ATP9B: variants seen among roughly 807,000 people sequenced by gnomAD.
The protein encoded by ATP9B is probable phospholipid-transporting ATPase IIB.
Under a neutral mutation model 146.1 loss-of-function variants are expected in ATP9B, and 110 were observed. The observed-to-expected ratio is 0.75, with a 90% CI of 0.65 to 0.88. The LOEUF is 0.88. ATP9B is among the 40% of genes least tolerant of loss of function. ATP9B has a pLI of 0.00. For synonymous variants in ATP9B, 604 were observed against 569.7 expected, an observed-to-expected ratio of 1.06 and a Z score of -0.86; for missense variants, 1,499 against 1,496.4, an observed-to-expected ratio of 1.00 and a Z score of -0.03.
intron 1 of ATP9B, among the ~76,000 whole-genome samples, chr18:79,075,808 A>G (rs924494022): frequency 6.6e-6 from 1 of 150,844 alleles, no homozygotes; most frequent in Non-Finnish European, 1.5e-5. Flanking sequence ...TGTTTATGCC[A>G]TTTTATTTTT....
At chr18:79,179,378 A>G (rs1330668461) in intron 8 of ATP9B, among the ~76,000 whole-genome samples, 2 of 152,030 alleles carry the variant, frequency 1.3e-5, no homozygotes, top group Non-Finnish European at 1.5e-5. Flanking sequence ...TTGATTTTAT[A>G]ACTTATTATT....
intron 5 of ATP9B, among the ~76,000 whole-genome samples, chr18:79,134,751 A>G (rs1482186928): frequency 2.0e-5 from 3 of 152,176 alleles, no homozygotes; most frequent in Admixed American, 2.0e-4. Context: ...ACTAAAAGGA[A>G]TTTGCCTTTG....
chr18:79,143,923 A>G (rs1021012523), intron 6 of ATP9B, 63 bp downstream of exon 6: 5 of 978,538 alleles, frequency 5.1e-6, no homozygotes, highest in African/African-American at 5.0e-5. Context: ...TAGCCTGATT[A>G]TAAGTAACTT....
At chr18:79,170,589 A>G (rs929502866) in intron 7 of ATP9B, among the ~76,000 whole-genome samples, 8 of 152,154 alleles carry the variant, frequency 5.3e-5, no homozygotes, top group African/African-American at 1.9e-4. Flanking sequence ...TTTGTTTGGG[A>G]AAGCATCTTA....
At chr18:79,336,395 T>C (rs1418019576) in intron 17 of ATP9B, among the ~76,000 whole-genome samples, 1 of 152,196 alleles carries the variant, frequency 6.6e-6, no homozygotes, top group East Asian at 1.9e-4. Flanking sequence ...TGTCTTTGCC[T>C]CTCGAGTGAA....
At chr18:79,375,656 G>T (rs2097098376) in intron 29 of ATP9B, 1 of 985,300 alleles carries the variant, frequency 1.0e-6, no homozygotes, top group Admixed American at 6.1e-5. Context: ...GAAGGGGCCG[G>T]GCATCCTGCC....
At position 79,359,443 on chromosome 18, in the gene ATP9B, T is replaced by A; in HGVS notation, c.2993T>A (p.Leu998Gln). The A allele has an allele frequency of 6.2e-7, 1 of 1,613,864 alleles. No individual in the cohort carries two copies. Among genetic ancestry groups the A allele is most frequent in the Non-Finnish European group, 8.5e-7 (1 of 1,179,782 alleles). Reference sequence around the variant, plus strand: ...GAGATGGCGATGCTCTACCCGGAGCTGTACAAGGACCTCACCAAGGTACGG... The same window carrying A: ...GAGATGGCGATGCTCTACCCGGAGCAGTACAAGGACCTCACCAAGGTACGG... ...KPEMAMLYPE[L>Q]YKDLTKGRSL... The change falls in exon 26 of 30, where the codon CTG (leucine) becomes CAG (glutamine). Residue 998 changes from leucine (L) to glutamine (Q), a missense_variant. Leu to Gln is a moderately radical substitution (Grantham distance 113). Coordinates refer to ENST00000426216, the MANE Select transcript of ATP9B (RefSeq NM_198531.5).
At chr18:79,127,720 A>C (rs2094310752) in intron 5 of ATP9B, among the ~76,000 whole-genome samples, 1 of 152,214 alleles carries the variant, frequency 6.6e-6, no homozygotes, top group African/African-American at 2.4e-5. Flanking sequence ...TCTTGGATAC[A>C]TACCTAGGAG....
At chr18:79,188,904 A>G (rs1383728367) in intron 8 of ATP9B, among the ~76,000 whole-genome samples, 1 of 133,142 alleles carries the variant, frequency 7.5e-6, no homozygotes, top group Non-Finnish European at 1.6e-5. Context: ...TTTTTTTTTT[A>G]GTTTGCAGTA....
chr18:79,094,141 C>T (rs929243773), intron 1 of ATP9B, among the ~76,000 whole-genome samples: 2 of 152,192 alleles, frequency 1.3e-5, no homozygotes, highest in Admixed American at 6.5e-5. Flanking sequence ...GTTGCAAAGC[C>T]TTGGCTGTGC....
rs1476463240 is a variant in ATP9B at position 79,109,152 on chromosome 18, C to T, written c.294-1203C>T. Among the ~76,000 whole-genome samples the T allele has an allele frequency of 3.9e-5, 6 of 152,162 alleles. No homozygotes were observed. The East Asian group carries it at 1.2e-3, about 29-fold the overall frequency. The stretch of plus-strand genomic sequence containing the variant: ...ATATTTGACTTATACGGCAGGCTTT[C>T]TATTCTAGCCTTGAATACAATTAGA... On this transcript the variant is annotated intron_variant, in intron 2 of 29. Coordinates refer to ENST00000426216, the MANE Select transcript of ATP9B (RefSeq NM_198531.5).
intron 8 of ATP9B, among the ~76,000 whole-genome samples, chr18:79,189,628 GA>G (rs1241484085): frequency 6.6e-6 from 1 of 152,158 alleles, no homozygotes; most frequent in African/African-American, 2.4e-5. Flanking sequence ...AAATTATTAA[GA>G]AAATCATACG....
At chr18:79,367,750 C>T (rs1433387616) in intron 26 of ATP9B, among the ~76,000 whole-genome samples, 1 of 152,240 alleles carries the variant, frequency 6.6e-6, no homozygotes, top group African/African-American at 2.4e-5. Flanking sequence ...TGCTGTGGAG[C>T]CCTGCAGGGG....
At chr18:79,088,938 C>G (rs902178736) in intron 1 of ATP9B, among the ~76,000 whole-genome samples, 2 of 152,154 alleles carry the variant, frequency 1.3e-5, no homozygotes, top group Non-Finnish European at 2.9e-5. Flanking sequence ...TCCACTCTTA[C>G]CAGCGATTAA....
At chr18:79,088,652 C>T (rs2074055255) in intron 1 of ATP9B, among the ~76,000 whole-genome samples, 1 of 152,160 alleles carries the variant, frequency 6.6e-6, no homozygotes, top group African/African-American at 2.4e-5. Context: ...TGCCATTTCT[C>T]CTAACACATT....
intron 12 of ATP9B, among the ~76,000 whole-genome samples, chr18:79,256,851 A>G (rs1009876688): frequency 6.6e-6 from 1 of 152,174 alleles, no homozygotes; most frequent in African/African-American, 2.4e-5. Context: ...GGGTGCTTCT[A>G]GCGAATCATC....
intron 25 of ATP9B, among the ~76,000 whole-genome samples, chr18:79,355,017 C>T (rs2147738092): frequency 6.6e-6 from 1 of 152,328 alleles, no homozygotes; most frequent in Middle Eastern, 3.4e-3. Context: ...TGCAGCGATG[C>T]ACCCGGCATC....
intron 12 of ATP9B, among the ~76,000 whole-genome samples, chr18:79,265,770 C>G (rs919450322): frequency 1.3e-5 from 2 of 151,960 alleles, no homozygotes; most frequent in African/African-American, 4.8e-5. Context: ...AAATCTTCAC[C>G]CATGCCTGTG....
Position 79,193,263 on chromosome 18 carries a change from G to A in ATP9B, c.954G>A (p.Arg318=). The A allele has an allele frequency of 6.2e-7, 1 of 1,601,552 alleles. No homozygotes were observed. Among genetic ancestry groups the A allele is most frequent in the South Asian group, 1.1e-5 (1 of 90,774 alleles). ...ACAGTTTCGAAGGCACATTTACCAG[G>A]GTAAGTTAAACCTGTTGTTCAATAC... ...DIHSFEGTFT[R]EDSDPPIHES... Residue 318 remains arginine (R), a splice_region_variant and synonymous_variant, in exon 9 of 30, where the codon AGG becomes AGA. Transcript: ENST00000426216.
Sources: gnomAD v4.1 joint callset for allele counts (sites outside exome capture counted in the v4.1 genomes callset) on GRCh38, gnomAD v4.1.1 for gene constraint, MANE v1.5 for transcripts, NCBI Gene and HGNC (gene_info 2026-07-23, HGNC 2026-07-21) for gene names.